Variants in ITGB5 observed in about 807,000 individuals in gnomAD.
The protein encoded by ITGB5 is integrin subunit beta 5.
Under a neutral mutation model 84.8 loss-of-function variants are expected in ITGB5, and 38 were observed. The observed-to-expected ratio is 0.45, with a 90% CI of 0.35 to 0.59. The LOEUF is 0.59. Among genes scored for constraint, ITGB5 ranks in the 20% least tolerant of loss-of-function variants. ITGB5 has a pLI of 0.01. For synonymous variants in ITGB5, 393 were observed against 414.4 expected, an observed-to-expected ratio of 0.95 and a Z score of 0.63; for missense variants, 905 against 1,034.5, an observed-to-expected ratio of 0.87 and a Z score of 1.72.
At chr3:124,772,911 CTT>C (rs35802279) in intron 11 of ITGB5, among the ~76,000 whole-genome samples, 215 of 127,276 alleles carry the variant, frequency 1.7e-3, no homozygotes, top group African/African-American at 5.9e-3. Context: ...CTCCAATTTA[CTT>C]TTTTTTTTTT....
chr3:124,883,441 C>A (rs1005286955), intron 1 of ITGB5, among the ~76,000 whole-genome samples: 1 of 152,168 alleles, frequency 6.6e-6, no homozygotes, highest in African/African-American at 2.4e-5. Flanking sequence ...AAATGTAAAT[C>A]CATAGGATAA....
intron 5 of ITGB5, among the ~76,000 whole-genome samples, chr3:124,824,617 T>A (rs2064756255): frequency 6.6e-6 from 1 of 152,036 alleles, no homozygotes; most frequent in South Asian, 2.1e-4. Context: ...TGGGAGAAAA[T>A]ATTTGAAAAA....
chr3:124,776,362 G>A (rs909313092), intron 10 of ITGB5, among the ~76,000 whole-genome samples: 1 of 152,206 alleles, frequency 6.6e-6, no homozygotes, highest in African/African-American at 2.4e-5. Context: ...TGGCCTCAGG[G>A]AGCACACTGG....
upstream of ITGB5, among the ~76,000 whole-genome samples, chr3:124,888,127 G>A (rs918561619): frequency 4.0e-5 from 6 of 151,884 alleles, no homozygotes; most frequent in African/African-American, 1.5e-4. Flanking sequence ...GTGTTGCTCA[G>A]GTTAGTCTTG....
chr3:124,812,296 G>A (rs1434992658), intron 8 of ITGB5, among the ~76,000 whole-genome samples: 1 of 152,172 alleles, frequency 6.6e-6, no homozygotes, highest in East Asian at 1.9e-4. Context: ...TTCTCCAGTA[G>A]GAAACAAGAT....
At chr3:124,856,566 ACATT>A (rs2107614340) in intron 3 of ITGB5, among the ~76,000 whole-genome samples, 1 of 152,380 alleles carries the variant, frequency 6.6e-6, no homozygotes, top group African/African-American at 2.4e-5. Context: ...GATTATACAT[ACATT>A]ATGATAAGTA....
Position 124,763,422 on chromosome 3 carries a change from GCATGGCTCTGGCCTAGCAGCCAGGTGA to G in ITGB5, c.*174_*200del, listed in dbSNP as rs1385642949. ...CCCAAGCTCGGAGGGACGCAGCCTGGCATGGCTCTGGCCTAGCAGCCAGGTGACATGGCCAGGCACCTTCCTGTACAG... is the reference window on the plus strand; with the variant it reads ...CCCAAGCTCGGAGGGACGCAGCCTGGCATGGCCAGGCACCTTCCTGTACAG... On this transcript the variant is annotated 3_prime_UTR_variant, in exon 15 of 15. Transcript: ENST00000296181. 2 of 442,408 alleles carry G rather than the reference GCATGGCTCTGGCCTAGCAGCCAGGTGA, an allele frequency of 4.5e-6. No homozygotes were observed. The highest frequency in any genetic ancestry group is 4.0e-5 in the African/African-American group (2 of 49,842). 27.4% of individuals were successfully genotyped at this position (442,408 alleles called of 1,614,324 possible). A position where few individuals can be genotyped will look rare whatever the true frequency, so the allele number is the denominator to read the frequency against.
At chr3:124,827,172 T>C (rs1484995887) in intron 5 of ITGB5, among the ~76,000 whole-genome samples, 3 of 152,080 alleles carry the variant, frequency 2.0e-5, no homozygotes, top group Non-Finnish European at 2.9e-5. Flanking sequence ...CCAGAGTACA[T>C]CAGCTTTGGA....
At chr3:124,785,895 G>A (rs1316749141) in intron 10 of ITGB5, among the ~76,000 whole-genome samples, 2 of 151,964 alleles carry the variant, frequency 1.3e-5, no homozygotes, top group Non-Finnish European at 2.9e-5. Context: ...TAGGCTAAGT[G>A]CCAGGGTGGT....
chr3:124,882,394 C>G (rs552971107), intron 1 of ITGB5, among the ~76,000 whole-genome samples: 1 of 152,248 alleles, frequency 6.6e-6, no homozygotes, highest in South Asian at 2.1e-4. Flanking sequence ...CTGGGAGCGG[C>G]CAGGGAAAAC....
rs2107603590 is a variant in ITGB5, at chr3:124,848,469, T to C, written c.451A>G (p.Lys151Glu). ...CTCCGGATATTGTCCAAGTCATCCT[T>C]CATGGACAGGGAGAGGTCCATCAGG... The part of the protein sequence containing the change: ...YYLMDLSLSM[K>E]DDLDNIRSLG... The change falls in exon 4 of 15, where the codon AAG becomes GAG. Residue 151 changes from lysine (K) to glutamate (E), a missense_variant. Physicochemically the swap from Lys to Glu is moderately conservative, Grantham distance 56 (BLOSUM62 1). This residue lies in a region of ITGB5 where 656 missense variants were observed against 734.7 expected (regional missense o/e 0.89). Transcript: ENST00000296181. 1.9e-6 allele frequency: 3 copies of C among 1,614,218 alleles called. No homozygotes were observed. The highest frequency in any genetic ancestry group is 2.5e-6 in the Non-Finnish European group (3 of 1,180,042).
At chr3:124,884,743 T>C (rs930481682) in intron 1 of ITGB5, among the ~76,000 whole-genome samples, 1 of 150,144 alleles carries the variant, frequency 6.7e-6, no homozygotes, top group Non-Finnish European at 1.5e-5. Context: ...CCCAAAAGAG[T>C]TGCAAATGAA....
chr3:124,825,794 A>G (rs1465055216), intron 5 of ITGB5, among the ~76,000 whole-genome samples: 1 of 152,218 alleles, frequency 6.6e-6, no homozygotes, highest in Non-Finnish European at 1.5e-5. Context: ...AAAAAGGGTC[A>G]ATTTTACTCT....
chr3:124,873,519 C>T lies in ITGB5; in HGVS notation c.83G>A (p.Cys28Tyr), dbSNP rs1490321379. ...LLPRLAGLNI[C>Y]TSGSATSCEE... ...ACATGAGGTGGCACTTCCACTAGTG[C>T]ATATGTTGAGACCTTTAAAGCAAGA... The change falls in exon 2 of 15, where the codon TGC becomes TAC. Residue 28 changes from cysteine (C) to tyrosine (Y), a missense_variant. Coordinates refer to ENST00000296181, the MANE Select transcript of ITGB5 (RefSeq NM_002213.5). 1 of 1,612,948 alleles carries T rather than the reference C, an allele frequency of 6.2e-7. No individual in the cohort carries two copies. Among genetic ancestry groups the T allele is most frequent in the East Asian group, 2.2e-5 (1 of 44,884 alleles).
intron 1 of ITGB5, among the ~76,000 whole-genome samples, chr3:124,882,969 A>C (rs1352639743): frequency 6.6e-6 from 1 of 152,224 alleles, no homozygotes; most frequent in Non-Finnish European, 1.5e-5. Flanking sequence ...GGTGCCTCTA[A>C]ATAAAGCATT....
At chr3:124,848,046 T>C (rs1559966627) in intron 4 of ITGB5, among the ~76,000 whole-genome samples, 1 of 152,204 alleles carries the variant, frequency 6.6e-6, no homozygotes, top group Non-Finnish European at 1.5e-5. Context: ...ATTCTATTAA[T>C]GTGAGCAAAT....
intron 9 of ITGB5, among the ~76,000 whole-genome samples, chr3:124,801,510 G>A (rs771227935): frequency 1.6e-4 from 24 of 152,106 alleles, no homozygotes; most frequent in Admixed American, 2.6e-4. Context: ...TTCCACCTCT[G>A]CAGGAAGCTG....
intron 4 of ITGB5, among the ~76,000 whole-genome samples, chr3:124,843,702 C>T (rs981811056): frequency 5.9e-5 from 9 of 152,170 alleles, no homozygotes; most frequent in African/African-American, 2.2e-4. Context: ...AGTTATCTGA[C>T]TTAACCCCAG....
intron 9 of ITGB5, among the ~76,000 whole-genome samples, chr3:124,802,624 T>C (rs1458382092): frequency 6.6e-6 from 1 of 152,238 alleles, no homozygotes; most frequent in East Asian, 1.9e-4. Context: ...GGTTGCTGTG[T>C]TGGAATTCTT....
Sources: gnomAD v4.1 joint callset for allele counts (sites outside exome capture counted in the v4.1 genomes callset) on GRCh38, gnomAD v4.1.1 for gene constraint, gnomAD v4.1.1 regional missense constraint, MANE v1.5 for transcripts, NCBI Gene and HGNC (gene_info 2026-07-23, HGNC 2026-07-21) for gene names.